Variants in SLC16A14 observed in about 807,000 individuals in gnomAD.
The protein encoded by SLC16A14 is monocarboxylate transporter 14.
SLC16A14 carries 14 observed loss-of-function variants against 35.8 expected under a neutral mutation model. The ratio of observed to expected loss-of-function variants is 0.39; its 90% CI spans 0.26 to 0.61. The LOEUF (loss-of-function observed/expected upper bound fraction) is 0.61. Among genes scored for constraint, SLC16A14 ranks in the 20% least tolerant of loss-of-function variants. The pLI, the probability that SLC16A14 is intolerant of heterozygous loss-of-function variation, is 0.51. For synonymous variants in SLC16A14, 248 were observed against 258.9 expected, an observed-to-expected ratio of 0.96 and a Z score of 0.40; for missense variants, 533 against 655.0, an observed-to-expected ratio of 0.81 and a Z score of 2.03.
rs974098316 is a variant in SLC16A14, at chr2:230,037,279, G to A, written c.*101C>T. The A allele has an allele frequency of 2.7e-5, 31 of 1,131,534 alleles. No individual in the cohort carries two copies. The highest frequency in any genetic ancestry group is 1.5e-4 in the South Asian group (8 of 54,786). The allele number at this position is 1,131,534 out of a possible 1,614,324, so 70.1% of individuals were successfully genotyped here. On this transcript the variant is annotated 3_prime_UTR_variant, in exon 5 of 5. Coordinates refer to ENST00000295190, the MANE Select transcript of SLC16A14 (RefSeq NM_152527.5). Reference sequence around the variant, plus strand: ...TTTACAAATGACAGTGCCAGTTACCGTACAAAATGCTTTCCCACGTCCTGT... The same window carrying A: ...TTTACAAATGACAGTGCCAGTTACCATACAAAATGCTTTCCCACGTCCTGT...
chr2:230,059,001 A>G, intron 2 of SLC16A14, 93 bp downstream of exon 2: 1 of 1,496,924 alleles, frequency 6.7e-7, no homozygotes, highest in South Asian at 1.4e-5. Context: ...AACATCCAAT[A>G]TCGAATGTTA....
chr2:230,060,084 A>C (rs1461916246), intron 1 of SLC16A14, among the ~76,000 whole-genome samples: 1 of 152,210 alleles, frequency 6.6e-6, no homozygotes, highest in Non-Finnish European at 1.5e-5. Context: ...CTAGAAAATT[A>C]CTTCAAAAAT....
At chr2:230,065,468 G>A (rs1053146417) in intron 1 of SLC16A14, among the ~76,000 whole-genome samples, 2 of 152,016 alleles carry the variant, frequency 1.3e-5, no homozygotes, top group Admixed American at 6.6e-5. Context: ...TTGGTCAGGC[G>A]GGTCTGGAAC....
At chr2:230,060,906 G>T (rs1035661731) in intron 1 of SLC16A14, among the ~76,000 whole-genome samples, 1 of 152,170 alleles carries the variant, frequency 6.6e-6, no homozygotes, top group Non-Finnish European at 1.5e-5. Flanking sequence ...ACATCTGATG[G>T]TTTAATTTCT....
chr2:230,064,959 G>A (rs913076333), intron 1 of SLC16A14, among the ~76,000 whole-genome samples: 1 of 152,136 alleles, frequency 6.6e-6, no homozygotes, highest in Non-Finnish European at 1.5e-5. Flanking sequence ...GCAGTGAGCC[G>A]AGATCGCACC....
At chr2:230,060,633 A>G (rs2077744677) in intron 1 of SLC16A14, among the ~76,000 whole-genome samples, 1 of 151,980 alleles carries the variant, frequency 6.6e-6, no homozygotes, top group African/African-American at 2.4e-5. Context: ...AAATGCTGGT[A>G]TTACAGGTGT....
At position 230,035,109 on chromosome 2, in the gene SLC16A14, A is replaced by G. The variant is rs1344318653; in HGVS notation, c.*2271T>C. The G allele has an allele frequency of 1.3e-5, 2 of 152,228 alleles. No homozygotes were observed. The highest frequency in any genetic ancestry group is 2.4e-5 in the African/African-American group (1 of 41,464). 9.4% of individuals were successfully genotyped at this position (152,228 alleles called of 1,614,324 possible). A position where few individuals can be genotyped will look rare whatever the true frequency, so the allele number is the denominator to read the frequency against. On this transcript the variant is annotated 3_prime_UTR_variant, in exon 5 of 5. Coordinates refer to ENST00000295190, the MANE Select transcript of SLC16A14 (RefSeq NM_152527.5). ...TTATAATATCTTCAAACAACGGCAA[A>G]TAACATAAACAGGAAATATTTGCAG...
chr2:230,049,891 G>T lies in SLC16A14; in HGVS notation c.273C>A (p.Gly91=), dbSNP rs1419173980. The T allele has an allele frequency of 6.2e-7, 1 of 1,614,126 alleles. No homozygotes were observed. Among genetic ancestry groups the T allele is most frequent in the South Asian group, 1.1e-5 (1 of 91,070 alleles). The change falls in exon 3 of 5, where the codon GGC becomes GGA. Residue 91 remains glycine, a synonymous_variant. Coordinates refer to ENST00000295190, the MANE Select transcript of SLC16A14 (RefSeq NM_152527.5). ...GITLIVGPFI[G]LFINTCGCRQ... ...GGCACCCACAGGTGTTAATGAACAA[G>T]CCGATGAAAGGGCCTGTCACAGAGC...
intron 4 of SLC16A14, chr2:230,045,508 T>G: frequency 2.1e-6 from 1 of 482,010 alleles, no homozygotes; most frequent in Non-Finnish European, 3.8e-6. Flanking sequence ...TGCAGTGAGC[T>G]GAGAGCGCAC....
intron 4 of SLC16A14, among the ~76,000 whole-genome samples, chr2:230,039,868 A>G (rs1446328822): frequency 6.6e-6 from 1 of 152,214 alleles, no homozygotes; most frequent in African/African-American, 2.4e-5. Flanking sequence ...ACAAAATCCT[A>G]CCTGGCTGGA....
intron 2 of SLC16A14, 168 bp downstream of exon 2, chr2:230,058,926 C>T: frequency 1.6e-5 from 14 of 899,842 alleles, no homozygotes; most frequent in South Asian, 5.1e-5. Context: ...AGTCACCGTG[C>T]CTGGCCTAAA....
chr2:230,059,792 T>G (rs2077736825), intron 1 of SLC16A14, among the ~76,000 whole-genome samples: 1 of 152,200 alleles, frequency 6.6e-6, no homozygotes, highest in South Asian at 2.1e-4. Context: ...AGGCAGCCTT[T>G]CAGTGTAGCT....
intron 1 of SLC16A14, among the ~76,000 whole-genome samples, chr2:230,065,323 C>A (rs1287327202): frequency 1.3e-5 from 2 of 151,946 alleles, no homozygotes; most frequent in African/African-American, 4.8e-5. Context: ...GTGGCATGAT[C>A]TCGGCTCATT....
intron 1 of SLC16A14, among the ~76,000 whole-genome samples, chr2:230,060,105 A>T (rs1007877718): frequency 6.6e-6 from 1 of 152,192 alleles, no homozygotes; most frequent in African/African-American, 2.4e-5. Flanking sequence ...AGGGTATCAG[A>T]CTAAGGAGTT....
chr2:230,042,993 A>G (rs1362178290), intron 4 of SLC16A14, among the ~76,000 whole-genome samples: 8 of 152,218 alleles, frequency 5.3e-5, no homozygotes, highest in Non-Finnish European at 1.5e-5. Flanking sequence ...CCTGAACTCT[A>G]TATTTCTGGT....
chr2:230,058,514 T>C (rs79608515), intron 2 of SLC16A14, among the ~76,000 whole-genome samples: 3 of 152,160 alleles, frequency 2.0e-5, no homozygotes, highest in African/African-American at 7.2e-5. Context: ...GGGGAATTCA[T>C]GTTTATTGAA....
At chr2:230,040,234 T>C (rs577154757) in intron 4 of SLC16A14, among the ~76,000 whole-genome samples, 231 of 152,084 alleles carry the variant, frequency 1.5e-3, no homozygotes, top group African/African-American at 4.9e-3. Context: ...ATTATTATTA[T>C]TTGGGACGGA....
Position 230,046,585 on chromosome 2 carries a change from A to G in SLC16A14, c.541T>C (p.Tyr181His). Reference sequence around the variant, plus strand: ...CTCCAGCCGTACTCTGCGCACAGGTACTTCAGCAGCACAGTCATTAGGAAC... The same window carrying G: ...CTCCAGCCGTACTCTGCGCACAGGTGCTTCAGCAGCACAGTCATTAGGAAC... ...GTFLMTVLLK[Y>H]LCAEYGWRNA... Residue 181 changes from tyrosine to histidine, a missense_variant, in exon 4 of 5, where the codon TAC becomes CAC. By Grantham distance (83) the Tyr-to-His change is moderately conservative. Transcript: ENST00000295190. This position sits in a 1 kb window ranked among gnomAD's most constrained non-coding sequence, Gnocchi z 5.0. 3 of 1,614,048 alleles carry G rather than the reference A, an allele frequency of 1.9e-6. No individual in the cohort carries two copies. In the African/African-American group the frequency reaches 4.0e-5, roughly 22 times the overall value.
intron 4 of SLC16A14, among the ~76,000 whole-genome samples, chr2:230,044,712 G>GTT (rs1474853990): frequency 9.7e-6 from 1 of 103,200 alleles, no homozygotes; most frequent in African/African-American, 3.6e-5. Flanking sequence ...ATTTGTGTGT[G>GTT]TGTGTGTGTG....
Sources: allele counts gnomAD v4.1 joint callset (sites outside exome capture counted in the v4.1 genomes callset), GRCh38; gene constraint gnomAD v4.1.1; non-coding constraint Gnocchi (gnomAD v3.1); transcripts MANE v1.5; gene names NCBI Gene and HGNC (gene_info 2026-07-23, HGNC 2026-07-21).